RERE: variants seen among roughly 807,000 people sequenced by gnomAD.
RERE encodes the protein arginine-glutamic acid dipeptide repeats.
In RERE, 40 loss-of-function variants were observed where a neutral mutation model predicts 146.1. That is an observed-to-expected ratio of 0.27 (90% confidence interval 0.21 to 0.36). The LOEUF (loss-of-function observed/expected upper bound fraction) is 0.36, where lower values mean the gene tolerates loss of function less well. Ranked by LOEUF, RERE falls within the 10% of genes least tolerant of loss-of-function variation. The pLI, the probability that RERE is intolerant of heterozygous loss-of-function variation, is 1.00. For missense variants in RERE, 1,933 were observed against 2,138.7 expected, an observed-to-expected ratio of 0.90 and a Z score of 1.90; for synonymous variants, 1,003 against 866.0, an observed-to-expected ratio of 1.16 and a Z score of -2.78.
chr1:8,423,704 G>T lies in RERE; in HGVS notation c.1204-897C>A, dbSNP rs997121554. 2 of 981,392 alleles carry T rather than the reference G, an allele frequency of 2.0e-6. No homozygotes were observed. Among genetic ancestry groups the T allele is most frequent in the Non-Finnish European group, 1.2e-6 (1 of 828,622 alleles). The allele number at this position is 981,392 out of a possible 1,614,324, so 60.8% of individuals were successfully genotyped here. A position where few individuals can be genotyped will look rare whatever the true frequency, so the allele number is the denominator to read the frequency against. ...GGCGGAGGCGGCCGCGGGTGGCTCG[G>T]CGTGTGACCGCGGCGGGGCCGCGCG... On this transcript the variant is annotated intron_variant, in intron 11 of 22. Transcript: ENST00000400908. This position sits in a 1 kb window ranked among gnomAD's most constrained non-coding sequence, Gnocchi z 5.4.
At chr1:8,811,398 G>C (rs1008202813) in intron 1 of RERE, among the ~76,000 whole-genome samples, 4 of 152,158 alleles carry the variant, frequency 2.6e-5, no homozygotes, top group Admixed American at 2.6e-4. Flanking sequence ...CTTGAGCCTA[G>C]GACTTCAAGA....
intron 1 of RERE, among the ~76,000 whole-genome samples, chr1:8,807,283 G>T (rs1641709964): frequency 6.6e-6 from 1 of 151,998 alleles, no homozygotes; most frequent in African/African-American, 2.4e-5. Flanking sequence ...CAAACTCCTG[G>T]TCTCAAGGGA....
At chr1:8,508,573 G>A in intron 8 of RERE, 54 bp downstream of exon 8, 2 of 1,289,744 alleles carry the variant, frequency 1.6e-6, no homozygotes, top group Non-Finnish European at 2.2e-6. Flanking sequence ...TAAAGTGCCA[G>A]CAGAGTAATA....
At chr1:8,607,528 A>ATTTTTTTTTTTT (rs1557431314) in intron 4 of RERE, among the ~76,000 whole-genome samples, 1 of 76,968 alleles carries the variant, frequency 1.3e-5, no homozygotes, top group East Asian at 7.4e-4. Context: ...GTTTTTATAT[A>ATTTTTTTTTTTT]TATTTCTTTT....
Position 8,631,998 on chromosome 1 carries a change from C to A in RERE, c.326-7618G>T, listed in dbSNP as rs80121530. ...TCCTAAAGCTTAAAAATGCAGGTGA[C>A]AATTCTATCCTCAATTTAACGACTC... On this transcript the variant is annotated intron_variant, in intron 2 of 22. Coordinates refer to ENST00000400908, the MANE Select transcript of RERE (RefSeq NM_001042681.2). Among the ~76,000 whole-genome samples the A allele has an allele frequency of 3.8e-3, 578 of 152,216 alleles. 1 individual carries two copies. Among genetic ancestry groups the A allele is most frequent in the Non-Finnish European group, 6.8e-3 (464 of 68,000 alleles).
At chr1:8,703,696 G>A (rs1639507635) in intron 1 of RERE, among the ~76,000 whole-genome samples, 1 of 152,198 alleles carries the variant, frequency 6.6e-6, no homozygotes, top group South Asian at 2.1e-4. Context: ...AAGAGGCAGC[G>A]CATCCCTGTG....
intron 1 of RERE, among the ~76,000 whole-genome samples, chr1:8,739,926 C>CT (rs960636252): frequency 6.6e-6 from 1 of 151,570 alleles, no homozygotes; most frequent in African/African-American, 2.4e-5. Context: ...TACTTGCTTG[C>CT]TTTTTTTATT....
intron 4 of RERE, among the ~76,000 whole-genome samples, chr1:8,610,852 A>G (rs899164601): frequency 8.6e-5 from 13 of 151,958 alleles, no homozygotes; most frequent in African/African-American, 3.1e-4. Context: ...GTCAAAAGAA[A>G]AAAAGTTCCC....
At chr1:8,615,973 AG>A (rs1157538190) in intron 3 of RERE, among the ~76,000 whole-genome samples, 5 of 152,220 alleles carry the variant, frequency 3.3e-5, no homozygotes, top group African/African-American at 1.2e-4. Flanking sequence ...TATAGCTGAC[AG>A]AGTGTCAGTA....
rs769239654 is a variant in RERE at position 8,624,322 on chromosome 1, T to C, written c.384A>G (p.Gln128=). The C allele has an allele frequency of 4.3e-6, 7 of 1,610,754 alleles. No homozygotes were observed. The highest frequency in any genetic ancestry group is 1.3e-5 in the African/African-American group (1 of 74,826). The stretch of plus-strand genomic sequence containing the variant: ...TAAAAACGCTTACCAGTTTGAAGTC[T>C]TGAATGCTACAGATGAAATACGGTG... ...PNTPYFICSI[Q]DFKLVHNSQA... The change falls in exon 3 of 23, where the codon CAA becomes CAG. Residue 128 remains glutamine (Q), a synonymous_variant. Coordinates refer to ENST00000400908, the MANE Select transcript of RERE (RefSeq NM_001042681.2).
In RERE at chr1:8,354,122, G is replaced by C. The variant is rs964675476; in HGVS notation, c.*965C>G. On this transcript the variant is annotated 3_prime_UTR_variant, in exon 23 of 23. Coordinates refer to ENST00000400908, the MANE Select transcript of RERE (RefSeq NM_001042681.2). ...AGAAGGAAATCTACAATGGACACAG[G>C]CCCATGCGCTTTCCATCCCGTGGAA... 1.3e-5 allele frequency: 2 copies of C among 152,484 alleles called. No individual in the cohort carries two copies. The highest frequency in any genetic ancestry group is 2.9e-5 in the Non-Finnish European group (2 of 68,050). 9.4% of individuals were successfully genotyped at this position (152,484 alleles called of 1,614,324 possible).
intron 1 of RERE, among the ~76,000 whole-genome samples, chr1:8,749,317 G>T: frequency 6.6e-6 from 1 of 151,598 alleles, no homozygotes; most frequent in East Asian, 1.9e-4. Context: ...TATATTCTGA[G>T]AATTATTCCT....
chr1:8,816,044 T>C (rs1641905647), intron 1 of RERE, among the ~76,000 whole-genome samples: 1 of 152,144 alleles, frequency 6.6e-6, no homozygotes, highest in African/African-American at 2.4e-5. Context: ...ATGATTTTAT[T>C]ATTGTACAGA....
At chr1:8,574,061 C>T (rs535541926) in intron 4 of RERE, among the ~76,000 whole-genome samples, 81 of 152,284 alleles carry the variant, frequency 5.3e-4, no homozygotes, top group Admixed American at 1.3e-3. Flanking sequence ...CCTCCTCAGC[C>T]TCCCAAAGTG....
chr1:8,788,866 C>T (rs1276155424), intron 1 of RERE, among the ~76,000 whole-genome samples: 1 of 151,494 alleles, frequency 6.6e-6, no homozygotes, highest in Non-Finnish European at 1.5e-5. Flanking sequence ...GGTGGGATTA[C>T]AGTGAGGCAT....
intron 2 of RERE, among the ~76,000 whole-genome samples, chr1:8,643,369 AAC>A (rs1430342191): frequency 1.3e-5 from 2 of 152,222 alleles, no homozygotes; most frequent in African/African-American, 2.4e-5. Flanking sequence ...TTTCCTCTGG[AAC>A]ACAGTTTTTG....
intron 11 of RERE, among the ~76,000 whole-genome samples, chr1:8,426,065 A>C (rs1270478588): frequency 6.6e-6 from 1 of 152,190 alleles, no homozygotes; most frequent in African/African-American, 2.4e-5. Context: ...AGGCGTCTAC[A>C]GTGGTAACTA....
At chr1:8,561,366 A>G (rs911507392) in intron 4 of RERE, among the ~76,000 whole-genome samples, 2 of 152,204 alleles carry the variant, frequency 1.3e-5, no homozygotes, top group Non-Finnish European at 2.9e-5. Flanking sequence ...ATCTTTCTAA[A>G]TAGGCCGGTA....
At chr1:8,600,126 C>G (rs114400895) in intron 4 of RERE, among the ~76,000 whole-genome samples, 1,688 of 152,288 alleles carry the variant, frequency 0.011, 31 homozygotes, top group African/African-American at 0.039. Context: ...TTTCCCTGCA[C>G]AAACTCTCTT....
Sources: allele counts gnomAD v4.1 joint callset (sites outside exome capture counted in the v4.1 genomes callset), GRCh38; gene constraint gnomAD v4.1.1; non-coding constraint Gnocchi (gnomAD v3.1); transcripts MANE v1.5; gene names NCBI Gene and HGNC (gene_info 2026-07-23, HGNC 2026-07-21).